CSMD2: variants seen among roughly 807,000 people sequenced by gnomAD.
CSMD2 encodes the protein CUB and sushi domain-containing protein 2.
Under a neutral mutation model 398.5 loss-of-function variants are expected in CSMD2, and 130 were observed. That is an observed-to-expected ratio of 0.33 (90% CI 0.28 to 0.38). The LOEUF (loss-of-function observed/expected upper bound fraction) is 0.38, where lower values mean the gene tolerates loss of function less well. Among genes scored for constraint, CSMD2 ranks in the 10% least tolerant of loss-of-function variants. The pLI is 1.00. For missense variants in CSMD2, 3,829 were observed against 4,764.9 expected, an observed-to-expected ratio of 0.80 and a Z score of 5.78; for synonymous variants, 1,828 against 1,908.5, an observed-to-expected ratio of 0.96 and a Z score of 1.10.
intron 10 of CSMD2, chr1:33,804,798 C>T (rs1656028033): frequency 1.4e-6 from 1 of 717,348 alleles, no homozygotes; most frequent in African/African-American, 1.7e-5. Context: ...ATTGTCCTTG[C>T]TGTTTCCCAG....
chr1:33,675,136 CA>C (rs1447459822), intron 25 of CSMD2, among the ~76,000 whole-genome samples: 1 of 151,996 alleles, frequency 6.6e-6, no homozygotes, highest in Non-Finnish European at 1.5e-5. Context: ...AATAGAGACA[CA>C]AAAAACCCTT....
chr1:33,790,148 C>A (rs1204440026), intron 11 of CSMD2, among the ~76,000 whole-genome samples: 1 of 152,078 alleles, frequency 6.6e-6, no homozygotes, highest in African/African-American at 2.4e-5. Flanking sequence ...TAAACTAGGG[C>A]AGAAAATGAG....
intron 29 of CSMD2, among the ~76,000 whole-genome samples, chr1:33,642,476 G>A (rs1643169364): frequency 6.6e-6 from 1 of 152,164 alleles, no homozygotes; most frequent in Admixed American, 6.5e-5. Context: ...TCTGCAGGGA[G>A]GGGAGAATGT....
At chr1:33,727,182 C>G (rs1032680652) in intron 15 of CSMD2, among the ~76,000 whole-genome samples, 2 of 152,144 alleles carry the variant, frequency 1.3e-5, no homozygotes, top group African/African-American at 4.8e-5. Context: ...CTGGGTATCC[C>G]CAGTATTGAG....
chr1:33,939,400 G>A (rs1644592454), intron 3 of CSMD2, among the ~76,000 whole-genome samples: 1 of 152,162 alleles, frequency 6.6e-6, no homozygotes, highest in Admixed American at 6.5e-5. Flanking sequence ...AGTGTGGGGT[G>A]GGAAGGGCAG....
chr1:33,787,636 T>C (rs1569936118), intron 12 of CSMD2, among the ~76,000 whole-genome samples: 1 of 152,226 alleles, frequency 6.6e-6, no homozygotes, highest in East Asian at 1.9e-4. Flanking sequence ...GTTGAGACGA[T>C]GCCTAGACTT....
intron 20 of CSMD2, among the ~76,000 whole-genome samples, chr1:33,715,528 A>G (rs1022968493): frequency 6.6e-6 from 1 of 152,162 alleles, no homozygotes; most frequent in Non-Finnish European, 1.5e-5. Context: ...CACTGGCTGG[A>G]TATGTCCCAT....
intron 13 of CSMD2, among the ~76,000 whole-genome samples, chr1:33,763,190 A>G (rs1479472148): frequency 3.3e-5 from 5 of 152,206 alleles, no homozygotes; most frequent in African/African-American, 1.2e-4. Context: ...AAGCCTTCCC[A>G]TTAGCCCAGA....
chr1:34,045,767 G>A (rs1016880949), intron 2 of CSMD2, among the ~76,000 whole-genome samples: 1 of 152,200 alleles, frequency 6.6e-6, no homozygotes, highest in Non-Finnish European at 1.5e-5. Flanking sequence ...AAGCACACTC[G>A]CTCCATCAAA....
At chr1:33,683,634 G>T (rs949860482) in intron 25 of CSMD2, among the ~76,000 whole-genome samples, 2 of 152,200 alleles carry the variant, frequency 1.3e-5, no homozygotes, top group Non-Finnish European at 2.9e-5. Context: ...TTAGATTATC[G>T]TATGAGGATA....
chr1:33,887,428 C>A (rs968108776), intron 5 of CSMD2, among the ~76,000 whole-genome samples: 2 of 152,126 alleles, frequency 1.3e-5, no homozygotes, highest in Non-Finnish European at 2.9e-5. Flanking sequence ...GTTATAAGTG[C>A]AGAATAATCA....
chr1:33,517,680 T>G (rs1570593087), intron 70 of CSMD2, among the ~76,000 whole-genome samples: 1 of 152,154 alleles, frequency 6.6e-6, no homozygotes, highest in East Asian at 1.9e-4. Flanking sequence ...AACCCTTATT[T>G]AAATGTTTGT....
In CSMD2 at chr1:33,931,266, T is replaced by C. The variant is rs1234648034; in HGVS notation, c.712+4494A>G. On this transcript the variant is annotated intron_variant, in intron 4 of 70. Coordinates refer to ENST00000373381, the MANE Select transcript of CSMD2 (RefSeq NM_001281956.2). ...GAAAGGCCAAAAGGCTTTTAATGCTTCCCAAGTATGAACCTGTTCACTCTG... is the reference window on the plus strand; with the variant it reads ...GAAAGGCCAAAAGGCTTTTAATGCTCCCCAAGTATGAACCTGTTCACTCTG... Among the ~76,000 whole-genome samples, 4 of 152,320 alleles carry C rather than the reference T, an allele frequency of 2.6e-5. No individual in the cohort carries two copies. In the East Asian group the frequency reaches 7.7e-4, roughly 29 times the overall value.
chr1:33,953,481 AG>A (rs1202605153), intron 3 of CSMD2, among the ~76,000 whole-genome samples: 1 of 152,180 alleles, frequency 6.6e-6, no homozygotes, highest in East Asian at 1.9e-4. Flanking sequence ...CAGCTGACCC[AG>A]GAACCTGCCC....
Position 33,541,248 on chromosome 1 carries a change from C to T in CSMD2, c.9339G>A (p.Arg3113=), listed in dbSNP as rs1570669006. 6 of 1,614,044 alleles carry T rather than the reference C, an allele frequency of 3.7e-6. No homozygotes were observed. The highest frequency in any genetic ancestry group is 3.3e-5 in the South Asian group (3 of 91,070). The stretch of plus-strand genomic sequence containing the variant: ...ACTGATATGTCACAGTTTTGTTGTA[C>T]CTGAAGTCATTGCCCAGCCGAAGGC... ...ANGLRLGNDF[R]YNKTVTYQCV... The change falls in exon 59 of 71, where the codon AGG becomes AGA. Residue 3113 remains arginine, a synonymous_variant. Transcript: ENST00000373381.
Position 34,157,224 on chromosome 1 carries a change from T to G in CSMD2, c.187+7687A>C, listed in dbSNP as rs142902257. Among the ~76,000 whole-genome samples, 24 of 152,296 alleles carry G rather than the reference T, an allele frequency of 1.6e-4. No homozygotes were observed. The East Asian group carries it at 4.3e-3, about 27-fold the overall frequency. On this transcript the variant is annotated intron_variant, in intron 1 of 70. Transcript: ENST00000373381. ...AGGCTAATGGAGACTTTATGTCTGCTGGAAATTTCACAATTCAGGTGAGAA... is the reference window on the plus strand; with the variant it reads ...AGGCTAATGGAGACTTTATGTCTGCGGGAAATTTCACAATTCAGGTGAGAA...
In CSMD2 at chr1:33,533,973, G is replaced by C; in HGVS notation, c.9880-66C>G. On this transcript the variant is annotated intron_variant, in intron 62 of 70. Transcript: ENST00000373381. This position sits in a 1 kb window ranked among gnomAD's most constrained non-coding sequence, Gnocchi z 4.2. ...GCGGTGCTTCCTACGTCTGTCCCTT[G>C]ACCACTTTCACATGGCCCAACTCCT... 1 of 994,948 alleles carries C rather than the reference G, an allele frequency of 1.0e-6. No individual in the cohort carries two copies. The highest frequency in any genetic ancestry group is 1.6e-6 in the Non-Finnish European group (1 of 632,234). 61.6% of individuals were successfully genotyped at this position (994,948 alleles called of 1,614,324 possible). A position where few individuals can be genotyped will look rare whatever the true frequency, so the allele number is the denominator to read the frequency against.
Position 33,586,560 on chromosome 1 carries a change from A to T in CSMD2, c.6995T>A (p.Leu2332Gln). The change falls in exon 46 of 71, where the codon CTG becomes CAG. Residue 2332 changes from leucine (L) to glutamine (Q), a missense_variant. Physicochemically the swap from Leu to Gln is moderately radical, Grantham distance 113. Transcript: ENST00000373381. The part of the protein sequence containing the change: ...PGFTLVGNEI[L>Q]TCKLGTYLQF... The stretch of plus-strand genomic sequence containing the variant: ...CAGGTAGGTTCCAAGTTTGCAGGTC[A>T]GAATTTCATTCCCCACTAAGGTAAA... The T allele has an allele frequency of 1.9e-6, 3 of 1,613,884 alleles. No homozygotes were observed. Among genetic ancestry groups the T allele is most frequent in the Non-Finnish European group, 2.5e-6 (3 of 1,179,830 alleles).
Position 33,972,225 on chromosome 1 carries a change from C to T in CSMD2, c.518-36271G>A, listed in dbSNP as rs575033267. On this transcript the variant is annotated intron_variant, in intron 3 of 70. Transcript: ENST00000373381. ...AATGTGGCCCAGCCCTTGCTGTCCT[C>T]GAGGCTAAGCCAGGTCCCTGTGATA... 5.0e-4 allele frequency among the ~76,000 whole-genome samples: 76 copies of T among 152,236 alleles called. No individual in the cohort carries two copies. In the South Asian group the frequency reaches 0.016, roughly 31 times the overall value.
Sources: gnomAD v4.1 joint callset for allele counts (sites outside exome capture counted in the v4.1 genomes callset) on GRCh38, gnomAD v4.1.1 for gene constraint, Gnocchi (gnomAD v3.1) non-coding constraint, MANE v1.5 for transcripts, NCBI Gene and HGNC (gene_info 2026-07-23, HGNC 2026-07-21) for gene names.